The following PLSCR2 variants were observed in gnomAD, a reference collection of about 807,000 sequenced individuals.
The protein encoded by PLSCR2 is PL scramblase 2.
In PLSCR2, 18 loss-of-function variants were observed where a neutral mutation model predicts 25.3. The ratio of observed to expected loss-of-function variants is 0.71; its 90% confidence interval spans 0.49 to 1.06. The LOEUF (loss-of-function observed/expected upper bound fraction) is 1.06, where lower values mean the gene tolerates loss of function less well. Ranked by LOEUF, PLSCR2 falls within the 50% of genes least tolerant of loss-of-function variation. The pLI, the probability that PLSCR2 is intolerant of heterozygous loss-of-function variation, is 0.00. For missense variants in PLSCR2, 243 were observed against 269.5 expected (o/e 0.90, Z 0.69); for synonymous variants, 88 against 87.3 (o/e 1.01, Z -0.04).
chr3:146,460,493 G>A (rs1289804306), upstream of PLSCR2, among the ~76,000 whole-genome samples: 2 of 148,104 alleles, frequency 1.4e-5, no homozygotes, highest in African/African-American at 5.0e-5. Flanking sequence ...AGCATTCCCA[G>A]AGCCAAAGGC....
intron 6 of PLSCR2, 144 bp from the exon 7 acceptor site, chr3:146,441,965 T>C (rs1454256778): frequency 9.0e-6 from 5 of 554,638 alleles, no homozygotes; most frequent in Non-Finnish European, 1.6e-5. Context: ...GAGAAAAGTC[T>C]ACAGGTATAA....
chr3:146,433,418 T>C (rs538202098), exon 9 of PLSCR2: 1 of 152,292 alleles, frequency 6.6e-6, no homozygotes, highest in African/African-American at 2.4e-5. Flanking sequence ...CCACAGATAG[T>C]GTGCGAGTTT....
intron 8 of PLSCR2, among the ~76,000 whole-genome samples, chr3:146,435,565 G>A (rs1322342097): frequency 1.3e-5 from 2 of 152,200 alleles, no homozygotes; most frequent in African/African-American, 4.8e-5. Context: ...CTGCATAAAT[G>A]TCTTCTTTTG....
chr3:146,399,747 T>C (rs1054453772), intron 2 of PLSCR2, among the ~76,000 whole-genome samples: 5 of 149,420 alleles, frequency 3.3e-5, no homozygotes, highest in Admixed American at 2.0e-4. Context: ...TTTTTTTCTT[T>C]CTTCCTTGCT....
chr3:146,452,886 C>G (rs1196317993), intron 5 of PLSCR2, among the ~76,000 whole-genome samples: 1 of 151,832 alleles, frequency 6.6e-6, no homozygotes, highest in Non-Finnish European at 1.5e-5. Flanking sequence ...CACTCACATA[C>G]CCACACACCC....
chr3:146,476,332 G>C (rs985574820), intron 1 of PLSCR2, among the ~76,000 whole-genome samples: 1 of 152,236 alleles, frequency 6.6e-6, no homozygotes, highest in African/African-American at 2.4e-5. Flanking sequence ...GGGAGGCGCT[G>C]AGTGTTCATG....
chr3:146,402,306 A>G (rs1009284233), intron 2 of PLSCR2, among the ~76,000 whole-genome samples: 1 of 152,206 alleles, frequency 6.6e-6, no homozygotes, highest in African/African-American at 2.4e-5. Context: ...GTAATTAAAA[A>G]TGATTTTTTA....
At chr3:146,491,209 A>G (rs920703626) in intron 1 of PLSCR2, among the ~76,000 whole-genome samples, 2 of 151,830 alleles carry the variant, frequency 1.3e-5, no homozygotes, top group African/African-American at 4.8e-5. Flanking sequence ...TTCTTCTAAA[A>G]CTTCTGCTGT....
chr3:146,443,336 G>A (rs1295382498), intron 6 of PLSCR2, among the ~76,000 whole-genome samples: 1 of 151,964 alleles, frequency 6.6e-6, no homozygotes, highest in African/African-American at 2.4e-5. Context: ...GCTTGAGTAG[G>A]ATTGGTATTC....
At chr3:146,392,563 C>T (rs945962504) in intron 3 of PLSCR2, among the ~76,000 whole-genome samples, 1 of 151,762 alleles carries the variant, frequency 6.6e-6, no homozygotes, top group Non-Finnish European at 1.5e-5. Context: ...TTTTTATTAA[C>T]ATAAGAACAT....
chr3:146,487,734 T>C (rs1016122098), intron 1 of PLSCR2, among the ~76,000 whole-genome samples: 1 of 152,124 alleles, frequency 6.6e-6, no homozygotes, highest in Non-Finnish European at 1.5e-5. Context: ...ATCATAAAAA[T>C]GGCCAAACTG....
At chr3:146,473,920 A>G (rs1288394648) in intron 1 of PLSCR2, among the ~76,000 whole-genome samples, 1 of 152,334 alleles carries the variant, frequency 6.6e-6, no homozygotes, top group East Asian at 1.9e-4. Context: ...CAGTTCTTGA[A>G]GAACAATATG....
intron 1 of PLSCR2, among the ~76,000 whole-genome samples, chr3:146,488,941 G>C (rs1285961312): frequency 6.6e-6 from 1 of 152,082 alleles, no homozygotes; most frequent in Non-Finnish European, 1.5e-5. Flanking sequence ...TGATAGACTG[G>C]ATAAAAAGAA....
At chr3:146,411,726 AT>A (rs1163418098) in intron 2 of PLSCR2, among the ~76,000 whole-genome samples, 1 of 152,204 alleles carries the variant, frequency 6.6e-6, no homozygotes, top group Non-Finnish European at 1.5e-5. Context: ...AAGGGGCTAG[AT>A]TTTCTTTTAT....
intron 2 of PLSCR2, among the ~76,000 whole-genome samples, chr3:146,459,148 A>G (rs2041402663): frequency 6.6e-6 from 1 of 152,314 alleles, no homozygotes; most frequent in Admixed American, 6.5e-5. Flanking sequence ...TAGTACAGCA[A>G]AATCCAGGAC....
At chr3:146,401,896 A>G (rs922481890) in intron 2 of PLSCR2, among the ~76,000 whole-genome samples, 77 of 151,968 alleles carry the variant, frequency 5.1e-4, no homozygotes, top group African/African-American at 1.7e-3. Flanking sequence ...AAAGGATTTC[A>G]TTAGAACTCC....
At chr3:146,411,508 G>T (rs2108041215) in intron 2 of PLSCR2, among the ~76,000 whole-genome samples, 1 of 152,316 alleles carries the variant, frequency 6.6e-6, no homozygotes, top group East Asian at 1.9e-4. Flanking sequence ...AAAATTCTTA[G>T]GTGGCGCTCC....
rs150788473 is a variant in PLSCR2, at chr3:146,446,895, C to T, written c.645+2311G>A. Among the ~76,000 whole-genome samples the T allele has an allele frequency of 3.2e-4, 48 of 152,246 alleles. No individual in the cohort carries two copies. The East Asian group carries it at 8.9e-3, about 28-fold the overall frequency. ...GAAAAAATCTTCCCATGCTTTTCTT[C>T]CACTTCCTTAAGAAAAAGTGTCTTT... On this transcript the variant is annotated intron_variant, in intron 6 of 6. Transcript: ENST00000610787.
chr3:146,490,384 ACTTC>A (rs1287641591), intron 1 of PLSCR2, among the ~76,000 whole-genome samples: 1 of 152,066 alleles, frequency 6.6e-6, no homozygotes, highest in Non-Finnish European at 1.5e-5. Context: ...CCATGAGAAT[ACTTC>A]CTTCCTTCTT....
Sources: allele counts gnomAD v4.1 joint callset (sites outside exome capture counted in the v4.1 genomes callset), GRCh38; gene constraint gnomAD v4.1.1; transcripts MANE v1.5; gene names NCBI Gene and HGNC (gene_info 2026-07-23, HGNC 2026-07-21).